HECW2: variants seen among roughly 807,000 people sequenced by gnomAD.
HECW2 encodes the protein E3 ubiquitin-protein ligase HECW2.
In HECW2, 61 loss-of-function variants were observed where a neutral mutation model predicts 175.2. The ratio of observed to expected loss-of-function variants is 0.35; its 90% CI spans 0.28 to 0.43. The LOEUF is 0.43. Ranked by LOEUF, HECW2 falls within the 20% of genes least tolerant of loss-of-function variation. The probability of loss-of-function intolerance (pLI) is 1.00; values close to 1 mark genes in which losing one functional copy is unlikely to be tolerated. For synonymous variants in HECW2, 671 were observed against 731.0 expected (o/e 0.92, Z 1.32); for missense variants, 1,524 against 2,000.5 (o/e 0.76, Z 4.54).
rs528370189 is a variant in HECW2 at position 196,470,006 on chromosome 2, T to C, written c.-35-36548A>G. ...CTAGTTAAAACTTTCTTTAAAAAAA[T>C]TTCCCATTCTATCTATAAAAATAAT... On this transcript the variant is annotated intron_variant, in intron 1 of 28. Coordinates refer to ENST00000644978, the MANE Select transcript of HECW2 (RefSeq NM_001348768.2). Among the ~76,000 whole-genome samples the C allele has an allele frequency of 2.0e-5, 3 of 152,130 alleles. No homozygotes were observed. The South Asian group carries it at 6.2e-4, about 32-fold the overall frequency.
intron 23 of HECW2, among the ~76,000 whole-genome samples, chr2:196,224,707 A>C (rs1322467663): frequency 6.6e-6 from 1 of 152,196 alleles, no homozygotes; most frequent in Non-Finnish European, 1.5e-5. Flanking sequence ...TGGGAAAGAA[A>C]CCAGGCTGAA....
At chr2:196,325,592 A>G (rs1308402247) in intron 5 of HECW2, among the ~76,000 whole-genome samples, 12 of 152,226 alleles carry the variant, frequency 7.9e-5, no homozygotes, top group Admixed American at 7.9e-4. Context: ...GGAAATACTG[A>G]GTAAGCAGTT....
chr2:196,430,125 T>C (rs951282960), intron 2 of HECW2, among the ~76,000 whole-genome samples: 11 of 152,024 alleles, frequency 7.2e-5, no homozygotes, highest in Non-Finnish European at 1.2e-4. Flanking sequence ...ATACACTGAT[T>C]TTACCACAGC....
chr2:196,500,186 T>C lies in HECW2; in HGVS notation c.-35-66728A>G, dbSNP rs1575609192. The stretch of plus-strand genomic sequence containing the variant: ...CCAAGAAGAATCAAATGAGATGATA[T>C]ATGTGAAAATGCTCTACACAACTCT... On this transcript the variant is annotated intron_variant, in intron 1 of 28. Coordinates refer to ENST00000644978, the MANE Select transcript of HECW2 (RefSeq NM_001348768.2). Among the ~76,000 whole-genome samples the C allele has an allele frequency of 2.0e-5, 3 of 152,242 alleles. No individual in the cohort carries two copies. The South Asian group carries it at 6.2e-4, about 32-fold the overall frequency.
rs11895750 is a variant in HECW2, at chr2:196,410,659, C to T, written c.292+22473G>A. The stretch of plus-strand genomic sequence containing the variant: ...TCCCCAAATCAACAAGATTTTAAAT[C>T]TAAAGACTAAAGGGATACTTCCAGT... On this transcript the variant is annotated intron_variant, in intron 2 of 28. Coordinates refer to ENST00000644978, the MANE Select transcript of HECW2 (RefSeq NM_001348768.2). Among the ~76,000 whole-genome samples, 998 of 152,210 alleles carry T rather than the reference C, an allele frequency of 6.6e-3. 13 individuals are homozygous for T. Among genetic ancestry groups the T allele is most frequent in the African/African-American group, 0.023 (942 of 41,524 alleles).
chr2:196,308,853 A>G (rs866991563), intron 10 of HECW2, among the ~76,000 whole-genome samples: 34 of 152,262 alleles, frequency 2.2e-4, no homozygotes, highest in African/African-American at 7.5e-4. Context: ...TCCACAGAGC[A>G]TGAGCTGATC....
intron 15 of HECW2, among the ~76,000 whole-genome samples, chr2:196,276,766 A>AT: frequency 6.6e-6 from 1 of 152,316 alleles, no homozygotes; most frequent in African/African-American, 2.4e-5. Context: ...TTTGTATATC[A>AT]TTTTTATATG....
chr2:196,408,830 T>C (rs1231125726), intron 2 of HECW2, among the ~76,000 whole-genome samples: 1 of 152,254 alleles, frequency 6.6e-6, no homozygotes, highest in African/African-American at 2.4e-5. Context: ...TCGTTTGAAG[T>C]AAGCTAATCA....
At chr2:196,568,631 A>C (rs940384246) in intron 1 of HECW2, among the ~76,000 whole-genome samples, 2 of 152,190 alleles carry the variant, frequency 1.3e-5, no homozygotes, top group African/African-American at 4.8e-5. Context: ...CGTACTTTAG[A>C]TTCTGAACTC....
intron 14 of HECW2, among the ~76,000 whole-genome samples, chr2:196,283,597 T>A (rs1575354242): frequency 6.6e-6 from 1 of 152,094 alleles, no homozygotes; most frequent in African/African-American, 2.4e-5. Flanking sequence ...GCCAGGCTGG[T>A]GTTGAACTCC....
intron 1 of HECW2, among the ~76,000 whole-genome samples, chr2:196,538,324 TC>T (rs1689090250): frequency 6.6e-6 from 1 of 152,158 alleles, no homozygotes; most frequent in Non-Finnish European, 1.5e-5. Flanking sequence ...CCAGGCCCTG[TC>T]CCAAGAGATT....
chr2:196,306,718 C>A, intron 12 of HECW2, 106 bp from the exon 13 acceptor site: 1 of 1,108,570 alleles, frequency 9.0e-7, no homozygotes, highest in Non-Finnish European at 1.2e-6. Context: ...ATACCTACAT[C>A]ATGTGTCATC....
chr2:196,399,007 T>C (rs1420472095), intron 2 of HECW2, among the ~76,000 whole-genome samples: 1 of 152,104 alleles, frequency 6.6e-6, no homozygotes, highest in Non-Finnish European at 1.5e-5. Flanking sequence ...GAGACAAAAG[T>C]ATGGCTTCTA....
chr2:196,328,246 T>C (rs1472278520), intron 5 of HECW2, among the ~76,000 whole-genome samples: 1 of 152,184 alleles, frequency 6.6e-6, no homozygotes, highest in Non-Finnish European at 1.5e-5. Context: ...AAAATGTTTT[T>C]AGGAAACAGG....
intron 2 of HECW2, among the ~76,000 whole-genome samples, chr2:196,430,598 A>C (rs1695681334): frequency 6.6e-6 from 1 of 152,178 alleles, no homozygotes; most frequent in Admixed American, 6.5e-5. Flanking sequence ...AAACTAGAAA[A>C]AGAGAAATGC....
At chr2:196,359,796 A>T (rs1227088752) in intron 2 of HECW2, among the ~76,000 whole-genome samples, 1 of 152,194 alleles carries the variant, frequency 6.6e-6, no homozygotes, top group Non-Finnish European at 1.5e-5. Flanking sequence ...CAGCCTGAAA[A>T]TATTAGTTAG....
intron 6 of HECW2, among the ~76,000 whole-genome samples, chr2:196,324,687 T>C (rs1273966186): frequency 6.6e-6 from 1 of 152,224 alleles, no homozygotes; most frequent in African/African-American, 2.4e-5. Context: ...TTTTATTCAT[T>C]ATGAATTTTT....
chr2:196,325,239 G>A lies in HECW2; in HGVS notation c.572-90C>T. 4 of 908,860 alleles carry A rather than the reference G, an allele frequency of 4.4e-6. No homozygotes were observed. In the South Asian group the frequency reaches 5.4e-5, roughly 12 times the overall value. 56.3% of individuals were successfully genotyped at this position (908,860 alleles called of 1,614,324 possible). A position where few individuals can be genotyped will look rare whatever the true frequency, so the allele number is the denominator to read the frequency against. ...GGAGGAAGGGAGAGAACAAGGGACA[G>A]AAGAAGGAAGGATTCATATGTCCTG... is the stretch of plus-strand genomic sequence containing the variant. On this transcript the variant is annotated intron_variant, in intron 5 of 28. Coordinates refer to ENST00000644978, the MANE Select transcript of HECW2 (RefSeq NM_001348768.2).
intron 2 of HECW2, among the ~76,000 whole-genome samples, chr2:196,425,800 A>T (rs1009023732): frequency 6.6e-6 from 1 of 152,194 alleles, no homozygotes; most frequent in Non-Finnish European, 1.5e-5. Flanking sequence ...AACAAAAAAA[A>T]TTAGAATATT....
Sources: allele counts gnomAD v4.1 joint callset (sites outside exome capture counted in the v4.1 genomes callset), GRCh38; gene constraint gnomAD v4.1.1; transcripts MANE v1.5; gene names NCBI Gene and HGNC (gene_info 2026-07-23, HGNC 2026-07-21).